Variants in GDPD4 observed in about 807,000 individuals in gnomAD.
The protein encoded by GDPD4 is glycerophosphodiester phosphodiesterase 6.
Under a neutral mutation model 67.8 loss-of-function variants are expected in GDPD4, and 60 were observed. That is an observed-to-expected ratio of 0.88 (90% CI 0.72 to 1.10). GDPD4 has a LOEUF of 1.10. GDPD4 is among the 50% of genes least tolerant of loss of function. The pLI is 0.00. For missense variants in GDPD4, 623 were observed against 613.9 expected, an observed-to-expected ratio of 1.01 and a Z score of -0.16; for synonymous variants, 212 against 210.9, an observed-to-expected ratio of 1.00 and a Z score of -0.04.
Position 77,295,995 on chromosome 11 carries a change from T to C in GDPD4, c.-254+5610A>G, listed in dbSNP as rs146491134. 5.3e-3 allele frequency among the ~76,000 whole-genome samples: 809 copies of C among 152,200 alleles called. 6 individuals are homozygous for C. The highest frequency in any genetic ancestry group is 0.018 in the African/African-American group (765 of 41,548). On this transcript the variant is annotated intron_variant, in intron 1 of 16. Coordinates refer to ENST00000315938, the MANE Select transcript of GDPD4 (RefSeq NM_182833.3). Reference sequence around the variant, plus strand: ...GGCCAGGCGCGGTGGCTCACGCCTGTAATCCCAGCACTTTGGGAGGCCGAG... The same window carrying C: ...GGCCAGGCGCGGTGGCTCACGCCTGCAATCCCAGCACTTTGGGAGGCCGAG...
chr11:77,258,452 G>C lies in GDPD4; in HGVS notation c.798C>G (p.Asn266Lys). The stretch of plus-strand genomic sequence containing the variant: ...GGAAATCCCAGTTGAAGAAGGCAGG[G>C]TTCTCGCAGGCAGATTCTGGCTGAA... ...GEVQPESACENPAFFNWDFLS... is the reference protein window; with the variant it reads ...GEVQPESACEKPAFFNWDFLS... The change falls in exon 11 of 17, where the codon AAC becomes AAG. Residue 266 changes from asparagine to lysine, a missense_variant. Transcript: ENST00000315938. 6.2e-7 allele frequency: 1 copy of C among 1,614,148 alleles called. No individual in the cohort carries two copies. The highest frequency in any genetic ancestry group is 8.5e-7 in the Non-Finnish European group (1 of 1,179,968).
chr11:77,232,541 CA>C (rs990530331), intron 14 of GDPD4, among the ~76,000 whole-genome samples: 73 of 152,282 alleles, frequency 4.8e-4, no homozygotes, highest in African/African-American at 1.7e-3. Flanking sequence ...CTACCCTCTT[CA>C]AAAGCCATTT....
At chr11:77,219,683 G>T (rs1489653232) in intron 16 of GDPD4, among the ~76,000 whole-genome samples, 1 of 152,140 alleles carries the variant, frequency 6.6e-6, no homozygotes, top group Non-Finnish European at 1.5e-5. Flanking sequence ...AGATCAGATG[G>T]TTATAGATGT....
intron 3 of GDPD4, among the ~76,000 whole-genome samples, chr11:77,282,847 T>C (rs1282317426): frequency 6.6e-6 from 1 of 152,146 alleles, no homozygotes; most frequent in Non-Finnish European, 1.5e-5. Context: ...CCAAACTGGA[T>C]TTGAGAAACC....
chr11:77,296,511 AG>A (rs1937969857), intron 1 of GDPD4, among the ~76,000 whole-genome samples: 1 of 150,506 alleles, frequency 6.6e-6, no homozygotes, highest in African/African-American at 2.4e-5. Flanking sequence ...TAGTAGAAAC[AG>A]GGTTTCACCA....
chr11:77,239,257 C>T (rs7945635), intron 13 of GDPD4, among the ~76,000 whole-genome samples: 41,347 of 152,122 alleles, frequency 0.27, 6,672 homozygotes, highest in South Asian at 0.44. Flanking sequence ...GGTGAACAGT[C>T]GAAAGCTTTT....
chr11:77,241,791 A>C (rs1958670778), intron 13 of GDPD4, among the ~76,000 whole-genome samples: 1 of 151,908 alleles, frequency 6.6e-6, no homozygotes, highest in African/African-American at 2.4e-5. Context: ...AAAAATACAG[A>C]AAATTAGCTG....
chr11:77,250,590 G>C (rs1041863039), intron 11 of GDPD4, among the ~76,000 whole-genome samples: 2 of 152,106 alleles, frequency 1.3e-5, no homozygotes, highest in Non-Finnish European at 2.9e-5. Flanking sequence ...CACATGGTCT[G>C]TCCTGGAGAA....
In GDPD4 at chr11:77,285,068, C is replaced by T. The variant is rs375866210; in HGVS notation, c.53+17G>A. ...AAATACCCTTACACAAATGAAACTA[C>T]AAAAAGTGAAACTCACCAGTCAAAG... is the stretch of plus-strand genomic sequence containing the variant. On this transcript the variant is annotated intron_variant, in intron 3 of 16. Transcript: ENST00000315938. 5.0e-6 allele frequency: 8 copies of T among 1,594,082 alleles called. No homozygotes were observed. Among genetic ancestry groups the T allele is most frequent in the African/African-American group, 2.7e-5 (2 of 74,396 alleles).
intron 1 of GDPD4, among the ~76,000 whole-genome samples, chr11:77,291,141 G>T (rs572751195): frequency 6.6e-6 from 1 of 152,098 alleles, no homozygotes; most frequent in South Asian, 2.1e-4. Context: ...ATGGACAAAT[G>T]GATAAAGAAA....
chr11:77,281,906 G>C (rs1959770502), intron 3 of GDPD4, among the ~76,000 whole-genome samples: 1 of 152,010 alleles, frequency 6.6e-6, no homozygotes, highest in Admixed American at 6.5e-5. Context: ...GCACACGTAG[G>C]GGTTATTTTT....
chr11:77,270,419 T>C (rs1959204922), intron 7 of GDPD4, among the ~76,000 whole-genome samples: 1 of 152,178 alleles, frequency 6.6e-6, no homozygotes, highest in African/African-American at 2.4e-5. Flanking sequence ...CTAGTATTAG[T>C]TGAAACTACT....
At chr11:77,285,657 C>G (rs1959965832) in intron 2 of GDPD4, among the ~76,000 whole-genome samples, 1 of 152,134 alleles carries the variant, frequency 6.6e-6, no homozygotes, top group Non-Finnish European at 1.5e-5. Context: ...TTTTAAGTAG[C>G]TATTTTGTTC....
At chr11:77,249,451 C>T (rs1394532933) in intron 11 of GDPD4, among the ~76,000 whole-genome samples, 2 of 152,010 alleles carry the variant, frequency 1.3e-5, no homozygotes, top group East Asian at 3.9e-4. Context: ...TCTGGTTCCA[C>T]ATGTAAGGAG....
chr11:77,237,742 T>C (rs1958593088), intron 13 of GDPD4, among the ~76,000 whole-genome samples: 1 of 152,204 alleles, frequency 6.6e-6, no homozygotes, highest in Non-Finnish European at 1.5e-5. Context: ...ACTTTAAATA[T>C]TTTAAGTTGG....
At chr11:77,267,981 C>A (rs1959186227) in intron 10 of GDPD4, among the ~76,000 whole-genome samples, 1 of 151,964 alleles carries the variant, frequency 6.6e-6, no homozygotes, top group Admixed American at 6.6e-5. Context: ...ACTTATTTTT[C>A]TCTGGAAGGC....
At chr11:77,237,977 C>A (rs1958596279) in intron 13 of GDPD4, among the ~76,000 whole-genome samples, 1 of 152,010 alleles carries the variant, frequency 6.6e-6, no homozygotes, top group African/African-American at 2.4e-5. Flanking sequence ...GAAAGAAGAT[C>A]TAAAACAGGT....
At position 77,268,670 on chromosome 11, in the gene GDPD4, C is replaced by T. The variant is rs115185988; in HGVS notation, c.625-131G>A. 142 of 780,872 alleles carry T rather than the reference C, an allele frequency of 1.8e-4. No homozygotes were observed. The African/African-American group carries it at 2.1e-3, about 12-fold the overall frequency. The allele number at this position is 780,872 out of a possible 1,614,324, so 48.4% of individuals were successfully genotyped here. A position where few individuals can be genotyped will look rare whatever the true frequency, so the allele number is the denominator to read the frequency against. ...GCTCCCTGAGATCTCCTTTCAAAAC[C>T]TGTATACCCTCCGTCCAAGCTGATT... On this transcript the variant is annotated intron_variant, in intron 9 of 16. Coordinates refer to ENST00000315938, the MANE Select transcript of GDPD4 (RefSeq NM_182833.3).
chr11:77,226,111 G>C (rs1958331524), intron 16 of GDPD4, among the ~76,000 whole-genome samples: 1 of 152,108 alleles, frequency 6.6e-6, no homozygotes, highest in Admixed American at 6.5e-5. Flanking sequence ...AGTGGGTAGG[G>C]TCAAGTTAAC....
Sources: allele counts gnomAD v4.1 joint callset (sites outside exome capture counted in the v4.1 genomes callset), GRCh38; gene constraint gnomAD v4.1.1; transcripts MANE v1.5; gene names NCBI Gene and HGNC (gene_info 2026-07-23, HGNC 2026-07-21).